The following ZNF304 variants were observed in gnomAD, a reference collection of about 807,000 sequenced individuals.
The protein encoded by ZNF304 is zinc finger protein 304.
ZNF304 carries 7 observed loss-of-function variants against 7.8 expected under a neutral mutation model. That is an observed-to-expected ratio of 0.90 (90% CI 0.51 to 1.69). The LOEUF (loss-of-function observed/expected upper bound fraction) is 1.69, where lower values mean the gene tolerates loss of function less well. Among genes scored for constraint, ZNF304 ranks in the 40% most tolerant of loss-of-function variants. The pLI is 0.00. For synonymous variants in ZNF304, 280 were observed against 272.4 expected, an observed-to-expected ratio of 1.03 and a Z score of -0.27; for missense variants, 669 against 804.8, an observed-to-expected ratio of 0.83 and a Z score of 2.04.
chr19:57,351,632 G>GC lies in ZNF304; in HGVS notation c.-30dup. ...GGTGGAGGCGTGGGGTTTCGGCTGA[G>GC]CCCACAGGGCACAGACTGTTCATCC... On this transcript the variant is annotated 5_prime_UTR_variant, in exon 1 of 3. Transcript: ENST00000282286. This position sits in a 1 kb window ranked among gnomAD's most constrained non-coding sequence, Gnocchi z 4.1. The GC allele has an allele frequency of 1.2e-6, 2 of 1,613,150 alleles. No homozygotes were observed. Among genetic ancestry groups the GC allele is most frequent in the Non-Finnish European group, 1.7e-6 (2 of 1,179,948 alleles).
chr19:57,355,435 A>T (rs1228368082), intron 2 of ZNF304: 1 of 736,886 alleles, frequency 1.4e-6, no homozygotes, highest in African/African-American at 1.7e-5. Flanking sequence ...TTGGGTTCAA[A>T]TCGAACCTTC....
intron 2 of ZNF304, among the ~76,000 whole-genome samples, chr19:57,355,739 C>T (rs1253379009): frequency 6.6e-6 from 1 of 152,226 alleles, no homozygotes; most frequent in African/African-American, 2.4e-5. Flanking sequence ...GCTCACCTGA[C>T]ACCAGCGGCC....
Position 57,356,073 on chromosome 19 carries a change from C to A in ZNF304, c.204C>A (p.Ser68Arg), listed in dbSNP as rs371500595. ...AACATGAGGCACCTTCTGAGCAGAG[C>A]GTTTCTGTAGAAGGAGTGTCACAGG... Reference protein sequence around the residue: ...EAEHEAPSEQSVSVEGVSQVR... With the variant: ...EAEHEAPSEQRVSVEGVSQVR... Residue 68 changes from serine to arginine, a missense_variant, in exon 3 of 3, where the codon AGC becomes AGA. Ser to Arg is a moderately radical substitution (Grantham distance 110). Transcript: ENST00000282286. 4 of 1,613,944 alleles carry A rather than the reference C, an allele frequency of 2.5e-6. No individual in the cohort carries two copies. In the South Asian group the frequency reaches 3.3e-5, roughly 13 times the overall value.
At position 57,357,269 on chromosome 19, in the gene ZNF304, T is replaced by A. The variant is rs193920881; in HGVS notation, c.1400T>A (p.Ile467Lys). 6.2e-7 allele frequency: 1 copy of A among 1,609,564 alleles called. No individual in the cohort carries two copies. The highest frequency in any genetic ancestry group is 8.5e-7 in the Non-Finnish European group (1 of 1,178,634). The change falls in exon 3 of 3, where the codon ATA (isoleucine) becomes AAA (lysine). Residue 467 changes from isoleucine (I) to lysine (K), a missense_variant. Ile to Lys is a moderately radical substitution (Grantham distance 102). Transcript: ENST00000282286. ...AAAGACACACTTGTTCAGCACCAGATAATTCACACTGGAGCAAGGCCTTAT... is the reference window on the plus strand; with the variant it reads ...AAAGACACACTTGTTCAGCACCAGAAAATTCACACTGGAGCAAGGCCTTAT... The part of the protein sequence containing the change: ...GCKDTLVQHQ[I>K]IHTGARPYEC...
chr19:57,358,640 CTG>C lies in ZNF304; in HGVS notation c.*793_*794del, dbSNP rs940270140. ...GAGGGGACCAAAGGATGGCAGAAAA[CTG>C]TTCTCAGTCTAGTTTGACCTAATTT... is the stretch of plus-strand genomic sequence containing the variant. On this transcript the variant is annotated 3_prime_UTR_variant, in exon 3 of 3. Transcript: ENST00000282286. The C allele has an allele frequency of 1.3e-5, 2 of 152,232 alleles. No individual in the cohort carries two copies. Among genetic ancestry groups the C allele is most frequent in the African/African-American group, 2.4e-5 (1 of 41,448 alleles). The allele number at this position is 152,232 out of a possible 1,614,324, so 9.4% of individuals were successfully genotyped here.
chr19:57,358,042 C>A lies in ZNF304; in HGVS notation c.*193C>A. 2 of 653,982 alleles carry A rather than the reference C, an allele frequency of 3.1e-6. No homozygotes were observed. Among genetic ancestry groups the A allele is most frequent in the Non-Finnish European group, 5.0e-6 (2 of 396,356 alleles). The allele number at this position is 653,982 out of a possible 1,614,324, so 40.5% of individuals were successfully genotyped here. ...TGATAAGCACCACATATGTGGGAGGCTTTCATGAGGTGTGTTGCACTTTGT... is the reference window on the plus strand; with the variant it reads ...TGATAAGCACCACATATGTGGGAGGATTTCATGAGGTGTGTTGCACTTTGT... On this transcript the variant is annotated 3_prime_UTR_variant, in exon 3 of 3. Coordinates refer to ENST00000282286, the MANE Select transcript of ZNF304 (RefSeq NM_020657.4).
At chr19:57,355,769 C>G (rs2088327250) in intron 2 of ZNF304, among the ~76,000 whole-genome samples, 1 of 152,234 alleles carries the variant, frequency 6.6e-6, no homozygotes, top group South Asian at 2.1e-4. Flanking sequence ...CTGAAACTCT[C>G]TTGCAGAGGA....
chr19:57,352,237 G>A (rs1170044785), intron 1 of ZNF304, among the ~76,000 whole-genome samples: 1 of 152,138 alleles, frequency 6.6e-6, no homozygotes, highest in Non-Finnish European at 1.5e-5. Context: ...TATAAGGAAG[G>A]CTGACCAGAT....
rs2088349022 is a variant in ZNF304, at chr19:57,356,856, C to T, written c.987C>T (p.His329=). 1 of 1,613,932 alleles carries T rather than the reference C, an allele frequency of 6.2e-7. No individual in the cohort carries two copies. The part of the protein sequence containing the change: ...KDTLVQHQRV[H]TGERSYDCSE... ...CACTTGTTCAGCATCAGAGAGTTCA[C>T]ACTGGAGAAAGATCTTATGACTGCA... The change falls in exon 3 of 3, where the codon CAC becomes CAT. Residue 329 remains histidine, a synonymous_variant. Coordinates refer to ENST00000282286, the MANE Select transcript of ZNF304 (RefSeq NM_020657.4).
In ZNF304 at chr19:57,357,728, G is replaced by A; in HGVS notation, c.1859G>A (p.Cys620Tyr). The stretch of plus-strand genomic sequence containing the variant: ...GAAAAGCCTTACGTATGCAGCGAAT[G>A]TGGGAAAGCCTATAGCAGAAGCTCC... ...TGEKPYVCSE[C>Y]GKAYSRSSHL... Residue 620 changes from cysteine to tyrosine, a missense_variant, in exon 3 of 3, where the codon TGT (cysteine) becomes TAT (tyrosine). Coordinates refer to ENST00000282286, the MANE Select transcript of ZNF304 (RefSeq NM_020657.4). 1 of 1,614,252 alleles carries A rather than the reference G, an allele frequency of 6.2e-7. No homozygotes were observed.
Position 57,357,499 on chromosome 19 carries a change from T to A in ZNF304, c.1630T>A (p.Ser544Thr). Residue 544 changes from serine (S) to threonine (T), a missense_variant, in exon 3 of 3, where the codon TCC becomes ACC. By Grantham distance (58) the Ser-to-Thr change is moderately conservative. Transcript: ENST00000282286. ...NECGKCFSHN[S>T]SLILHQRVHT... ...ATGTGGGAAATGCTTTAGCCACAACTCCAGCCTCATTTTGCACCAGAGAGT... is the reference window on the plus strand; with the variant it reads ...ATGTGGGAAATGCTTTAGCCACAACACCAGCCTCATTTTGCACCAGAGAGT... The A allele has an allele frequency of 6.2e-7, 1 of 1,611,814 alleles. No homozygotes were observed. Among genetic ancestry groups the A allele is most frequent in the Non-Finnish European group, 8.5e-7 (1 of 1,179,204 alleles).
At position 57,356,665 on chromosome 19, in the gene ZNF304, CTT is replaced by C. The variant is rs1568519297; in HGVS notation, c.797_798del (p.Leu266HisfsTer2). On this transcript the variant is annotated frameshift_variant, in exon 3 of 3. Transcript: ENST00000282286. LOFTEE classifies it low-confidence loss of function (END_TRUNC). Reference protein sequence around the residue: ...CGNVFKEKSALINHRKIHSGE... With the variant: ...CGNVFKEKSAXINHRKIHSGE... ...AAATGTGTTCAAGGAGAAATCAGCT[CTT>C]ATTAATCACAGAAAAATCCACAGTG... The C allele has an allele frequency of 6.2e-7, 1 of 1,614,194 alleles. No individual in the cohort carries two copies. The highest frequency in any genetic ancestry group is 1.7e-5 in the Admixed American group (1 of 60,030).
rs1478364865 is a variant in ZNF304, at chr19:57,358,569, A to G, written c.*720A>G. 6.6e-6 allele frequency: 1 copy of G among 152,282 alleles called. No individual in the cohort carries two copies. Among genetic ancestry groups the G allele is most frequent in the Non-Finnish European group, 1.5e-5 (1 of 68,090 alleles). The allele number at this position is 152,282 out of a possible 1,614,324, so 9.4% of individuals were successfully genotyped here. ...ATTGAGAAAAGAATTGGGTTCTGTC[A>G]TGAAGGGAGTAGCACCTTTTGTGGG... is the stretch of plus-strand genomic sequence containing the variant. On this transcript the variant is annotated 3_prime_UTR_variant, in exon 3 of 3. Coordinates refer to ENST00000282286, the MANE Select transcript of ZNF304 (RefSeq NM_020657.4).
At position 57,357,187 on chromosome 19, in the gene ZNF304, G is replaced by A; in HGVS notation, c.1318G>A (p.Val440Ile). The A allele has an allele frequency of 6.2e-7, 1 of 1,613,862 alleles. No homozygotes were observed. Among genetic ancestry groups the A allele is most frequent in the South Asian group, 1.1e-5 (1 of 91,072 alleles). The change falls in exon 3 of 3, where the codon GTC (valine) becomes ATC (isoleucine). Residue 440 changes from valine (V) to isoleucine (I), a missense_variant. By Grantham distance (29) the Val-to-Ile change is conservative. Coordinates refer to ENST00000282286, the MANE Select transcript of ZNF304 (RefSeq NM_020657.4). Reference sequence around the variant, plus strand: ...CTCTAGCCTCATTAAACATCGGAGAGTCCACACAGGAGCAAGATCCTACGT... The same window carrying A: ...CTCTAGCCTCATTAAACATCGGAGAATCCACACAGGAGCAAGATCCTACGT... ...HNSSLIKHRRVHTGARSYVCS... is the reference protein window; with the variant it reads ...HNSSLIKHRRIHTGARSYVCS...
Position 57,356,785 on chromosome 19 carries a change from C to T in ZNF304, c.916C>T (p.His306Tyr), listed in dbSNP as rs199935290. The change falls in exon 3 of 3, where the codon CAC (histidine) becomes TAC (tyrosine). Residue 306 changes from histidine to tyrosine, a missense_variant. Coordinates refer to ENST00000282286, the MANE Select transcript of ZNF304 (RefSeq NM_020657.4). ...MHQKFHTGKR[H>Y]YTCSECGKAF... ...CCAGAAATTTCACACTGGAAAAAGACACTATACATGCAGTGAATGTGGGAA... is the reference window on the plus strand; with the variant it reads ...CCAGAAATTTCACACTGGAAAAAGATACTATACATGCAGTGAATGTGGGAA... The T allele has an allele frequency of 3.1e-6, 5 of 1,614,194 alleles. No individual in the cohort carries two copies. In the East Asian group the frequency reaches 1.1e-4, roughly 36 times the overall value.
chr19:57,354,729 G>C (rs1290514754), intron 2 of ZNF304, among the ~76,000 whole-genome samples: 2 of 152,172 alleles, frequency 1.3e-5, no homozygotes, highest in Non-Finnish European at 2.9e-5. Flanking sequence ...GGATCACTGG[G>C]ACCATCTCAG....
chr19:57,359,395 TAGTGGAAC>T lies in ZNF304; in HGVS notation c.*1550_*1557del, dbSNP rs1463586558. 6.6e-6 allele frequency: 1 copy of T among 152,252 alleles called. No homozygotes were observed. The highest frequency in any genetic ancestry group is 2.4e-5 in the African/African-American group (1 of 41,472). 9.4% of individuals were successfully genotyped at this position (152,252 alleles called of 1,614,324 possible). ...AAATAGTTGACAGATCTAACTTTCC[TAGTGGAAC>T]AGTATATATAGATTTTAATGAGGAA... is the stretch of plus-strand genomic sequence containing the variant. On this transcript the variant is annotated 3_prime_UTR_variant, in exon 3 of 3. Transcript: ENST00000282286.
At position 57,357,938 on chromosome 19, in the gene ZNF304, G is replaced by A; in HGVS notation, c.*89G>A. 1 of 1,471,756 alleles carries A rather than the reference G, an allele frequency of 6.8e-7. No individual in the cohort carries two copies. Among genetic ancestry groups the A allele is most frequent in the Non-Finnish European group, 9.1e-7 (1 of 1,099,086 alleles). The allele number at this position is 1,471,756 out of a possible 1,614,324, so 91.2% of individuals were successfully genotyped here. On this transcript the variant is annotated 3_prime_UTR_variant, in exon 3 of 3. Transcript: ENST00000282286. ...CTCATAGGACTCACACCAGAGCAAT[G>A]CTCTGTGAGTACCCTTTGTGAGGGA... is the stretch of plus-strand genomic sequence containing the variant.
rs1486995272 is a variant in ZNF304, at chr19:57,351,876, G to T, written c.33+179G>T. 5.0e-6 allele frequency: 3 copies of T among 601,646 alleles called. No individual in the cohort carries two copies. The highest frequency in any genetic ancestry group is 8.5e-6 in the Non-Finnish European group (3 of 354,098). The allele number at this position is 601,646 out of a possible 1,614,324, so 37.3% of individuals were successfully genotyped here. The stretch of plus-strand genomic sequence containing the variant: ...AGGCGCAGGGGCAGTTCGTACAAAT[G>T]CATGCATGGAGAGGAGAATGAGTTT... On this transcript the variant is annotated intron_variant, in intron 1 of 2. Coordinates refer to ENST00000282286, the MANE Select transcript of ZNF304 (RefSeq NM_020657.4). The surrounding 1 kb of genome is among the most constrained non-coding windows in gnomAD (Gnocchi z 4.1).
Sources: allele counts gnomAD v4.1 joint callset (sites outside exome capture counted in the v4.1 genomes callset), GRCh38; gene constraint gnomAD v4.1.1; non-coding constraint Gnocchi (gnomAD v3.1); transcripts MANE v1.5; gene names NCBI Gene and HGNC (gene_info 2026-07-23, HGNC 2026-07-21).